Variants in RALGPS1 observed in about 807,000 individuals in gnomAD.
RALGPS1 encodes the protein Ral GEF with PH domain and SH3 binding motif 1.
RALGPS1 carries 19 observed loss-of-function variants against 78.8 expected under a neutral mutation model. The observed-to-expected ratio is 0.24, with a 90% confidence interval of 0.17 to 0.35. The LOEUF is 0.35. Among genes scored for constraint, RALGPS1 ranks in the 10% least tolerant of loss-of-function variants. The probability of loss-of-function intolerance (pLI) is 1.00; values close to 1 mark genes in which losing one functional copy is unlikely to be tolerated. For missense variants in RALGPS1, 454 were observed against 688.3 expected, an observed-to-expected ratio of 0.66 and a Z score of 3.81; for synonymous variants, 228 against 256.3, an observed-to-expected ratio of 0.89 and a Z score of 1.06.
At chr9:127,182,942 C>T (rs758254773) in intron 11 of RALGPS1, among the ~76,000 whole-genome samples, 8 of 152,182 alleles carry the variant, frequency 5.3e-5, no homozygotes, top group African/African-American at 7.2e-5. Flanking sequence ...ATGGCACCAA[C>T]ATCTGCTTGG....
intron 5 of RALGPS1, among the ~76,000 whole-genome samples, chr9:127,041,194 C>G (rs1384646955): frequency 6.6e-6 from 1 of 151,982 alleles, no homozygotes; most frequent in Admixed American, 6.6e-5. Context: ...TGGATTTAAG[C>G]GATTCTCCTA....
rs1397325254 is a variant in RALGPS1, at chr9:127,174,584, G to A, written c.843-131G>A. The A allele has an allele frequency of 3.8e-6, 3 of 785,228 alleles. No individual in the cohort carries two copies. In the Admixed American group the frequency reaches 5.9e-5, roughly 15 times the overall value. 48.6% of individuals were successfully genotyped at this position (785,228 alleles called of 1,614,324 possible). A position where few individuals can be genotyped will look rare whatever the true frequency, so the allele number is the denominator to read the frequency against. Reference sequence around the variant, plus strand: ...AAACCCCCGGAGACCTCAGAGGGAAGTGACTGTGATCTGGAGCAGATCTCA... The same window carrying A: ...AAACCCCCGGAGACCTCAGAGGGAAATGACTGTGATCTGGAGCAGATCTCA... On this transcript the variant is annotated intron_variant, in intron 10 of 18. Transcript: ENST00000259351.
chr9:127,033,118 C>T (rs2134602944), intron 4 of RALGPS1, among the ~76,000 whole-genome samples: 1 of 152,282 alleles, frequency 6.6e-6, no homozygotes, highest in South Asian at 2.1e-4. Context: ...TTATTTGAGT[C>T]TAAGTTGTGA....
chr9:127,031,832 A>G (rs1233598771), intron 4 of RALGPS1, among the ~76,000 whole-genome samples: 5 of 152,268 alleles, frequency 3.3e-5, no homozygotes, highest in Non-Finnish European at 5.9e-5. Context: ...TTAAAACCCA[A>G]TAACTCCACA....
intron 1 of RALGPS1, among the ~76,000 whole-genome samples, chr9:126,927,591 G>T (rs1347133994): frequency 6.6e-6 from 1 of 152,156 alleles, no homozygotes; most frequent in African/African-American, 2.4e-5. Context: ...TACCTTTGTT[G>T]TCGTGTGCAG....
At chr9:126,981,024 C>T (rs140451294) in intron 4 of RALGPS1, among the ~76,000 whole-genome samples, 1 of 152,248 alleles carries the variant, frequency 6.6e-6, no homozygotes, top group Admixed American at 6.5e-5. Flanking sequence ...CAGCCACTTC[C>T]TAGCTGGTCA....
rs531049613 is a variant in RALGPS1 at position 127,064,457 on chromosome 9, G to A, written c.484-4773G>A. The stretch of plus-strand genomic sequence containing the variant: ...AACTTATTATCAGCATTACATGCAC[G>A]TGAATTTTAAAAATCACTAAGTACT... On this transcript the variant is annotated intron_variant, in intron 7 of 18. Coordinates refer to ENST00000259351, the MANE Select transcript of RALGPS1 (RefSeq NM_014636.3). 3.3e-5 allele frequency among the ~76,000 whole-genome samples: 5 copies of A among 152,270 alleles called. No homozygotes were observed. The South Asian group carries it at 8.3e-4, about 25-fold the overall frequency.
At chr9:127,182,020 G>A (rs1181981679) in intron 11 of RALGPS1, among the ~76,000 whole-genome samples, 3 of 151,884 alleles carry the variant, frequency 2.0e-5, no homozygotes, top group Non-Finnish European at 4.4e-5. Context: ...AACGGGCAGC[G>A]AGAGTATGTT....
At chr9:127,191,322 C>T (rs2061017724) in intron 11 of RALGPS1, among the ~76,000 whole-genome samples, 1 of 152,114 alleles carries the variant, frequency 6.6e-6, no homozygotes, top group Non-Finnish European at 1.5e-5. Flanking sequence ...ATGATTGTCT[C>T]CTATTTTTTT....
At chr9:127,191,501 C>T (rs954191750) in intron 11 of RALGPS1, among the ~76,000 whole-genome samples, 2 of 152,134 alleles carry the variant, frequency 1.3e-5, no homozygotes, top group Non-Finnish European at 2.9e-5. Flanking sequence ...GGAAGCATGT[C>T]GGGCTCTCAC....
At chr9:127,104,844 T>G (rs545307159) in intron 8 of RALGPS1, among the ~76,000 whole-genome samples, 3 of 152,366 alleles carry the variant, frequency 2.0e-5, no homozygotes, top group African/African-American at 7.2e-5. Context: ...AAGGTATTTC[T>G]GGCTAAGTGA....
intron 7 of RALGPS1, among the ~76,000 whole-genome samples, 186 bp downstream of exon 7, chr9:127,053,125 G>A (rs1289963386): frequency 6.6e-6 from 1 of 152,178 alleles, no homozygotes; most frequent in Non-Finnish European, 1.5e-5. Flanking sequence ...TTGGCACCAG[G>A]GAATGGTGAA....
chr9:127,037,526 A>G (rs781780531), intron 5 of RALGPS1, among the ~76,000 whole-genome samples: 4 of 152,234 alleles, frequency 2.6e-5, no homozygotes, highest in African/African-American at 4.8e-5. Flanking sequence ...TATGTATAAT[A>G]ACTAAATCTA....
rs74549027 is a variant in RALGPS1 at position 127,127,352 on chromosome 9, G to C, written c.611-38717G>C. Among the ~76,000 whole-genome samples the C allele has an allele frequency of 5.9e-5, 9 of 152,300 alleles. No homozygotes were observed. In the East Asian group the frequency reaches 1.7e-3, roughly 29 times the overall value. On this transcript the variant is annotated intron_variant, in intron 8 of 18. Coordinates refer to ENST00000259351, the MANE Select transcript of RALGPS1 (RefSeq NM_014636.3). Reference sequence around the variant, plus strand: ...CAGAGTTTGTAATTGTTATTGACCAGAGTAGTTGTTCAAAACAGTCCACTC... The same window carrying C: ...CAGAGTTTGTAATTGTTATTGACCACAGTAGTTGTTCAAAACAGTCCACTC...
intron 8 of RALGPS1, chr9:127,079,676 T>C (rs902741786): frequency 3.3e-5 from 5 of 152,148 alleles, no homozygotes; most frequent in African/African-American, 7.2e-5. Context: ...CCAACAACCA[T>C]GTGAGGGAGT....
At chr9:127,170,767 T>C (rs1009157494) in intron 10 of RALGPS1, among the ~76,000 whole-genome samples, 2 of 152,354 alleles carry the variant, frequency 1.3e-5, no homozygotes, top group East Asian at 3.9e-4. Context: ...CTCCTTCTAC[T>C]TTGAAGGAGT....
chr9:127,088,067 G>A (rs1217114367), intron 8 of RALGPS1: 2 of 152,672 alleles, frequency 1.3e-5, no homozygotes, highest in East Asian at 3.8e-4. Flanking sequence ...AGAAGGGGCT[G>A]TGCGACAGAA....
At chr9:126,990,131 G>A (rs2042156376) in intron 4 of RALGPS1, 16 of 1,107,770 alleles carry the variant, frequency 1.4e-5, no homozygotes, top group Non-Finnish European at 1.8e-5. Context: ...TCAGTGTTTG[G>A]CCCTCGGAGA....
At chr9:126,979,155 A>G (rs2040969846) in intron 4 of RALGPS1, among the ~76,000 whole-genome samples, 1 of 152,200 alleles carries the variant, frequency 6.6e-6, no homozygotes, top group South Asian at 2.1e-4. Context: ...CACCTAGTCT[A>G]CTAAAAATTA....
Sources: gnomAD v4.1 joint callset for allele counts (sites outside exome capture counted in the v4.1 genomes callset) on GRCh38, gnomAD v4.1.1 for gene constraint, MANE v1.5 for transcripts, NCBI Gene and HGNC (gene_info 2026-07-23, HGNC 2026-07-21) for gene names.